The following USP7 variants were observed in gnomAD, a reference collection of about 807,000 sequenced individuals.
USP7 encodes the protein ubiquitin C-terminal hydrolase 7.
A neutral mutation model predicts 162.9 loss-of-function variants in USP7; 9 were observed. The ratio of observed to expected loss-of-function variants is 0.06; its 90% CI spans 0.03 to 0.10. The LOEUF is 0.10. Among genes scored for constraint, USP7 ranks in the 10% least tolerant of loss-of-function variants. The probability of loss-of-function intolerance (pLI) is 1.00; values close to 1 mark genes in which losing one functional copy is unlikely to be tolerated. For missense variants in USP7, 715 were observed against 1,373.7 expected, an observed-to-expected ratio of 0.52 and a Z score of 7.58; for synonymous variants, 562 against 475.9, an observed-to-expected ratio of 1.18 and a Z score of -2.35.
intron 26 of USP7, 22 bp from the exon 27 acceptor site, chr16:8,895,763 A>G (rs184753126): frequency 2.0e-6 from 3 of 1,514,748 alleles, no homozygotes; most frequent in Non-Finnish European, 2.7e-6. Context: ...GGAAAAAAAA[A>G]TAGGGCAAAA....
Position 8,902,125 on chromosome 16 carries a change from C to A in USP7, c.2004G>T (p.Glu668Asp). ...WTIFLETVDP[E>D]LAASGATLPK... ...GTAAGGTCGCTCCACTAGCAGCCAG[C>A]TCGGGATCAACTGTTTCCAGGAATA... The change falls in exon 18 of 31, where the codon GAG becomes GAT. Residue 668 changes from glutamate to aspartate, a missense_variant. Around this residue, in one of 11 missense-constraint regions of USP7, gnomAD observed 197 missense variants for 306.5 expected, o/e 0.64. Transcript: ENST00000344836. 6.2e-7 allele frequency: 1 copy of A among 1,614,234 alleles called. No individual in the cohort carries two copies. Among genetic ancestry groups the A allele is most frequent in the Non-Finnish European group, 8.5e-7 (1 of 1,180,048 alleles).
chr16:8,919,240 A>G, intron 5 of USP7, 101 bp from the exon 6 acceptor site: 1 of 1,152,424 alleles, frequency 8.7e-7, no homozygotes, highest in Admixed American at 1.8e-5. Flanking sequence ...AAGGAAACCG[A>G]GGCCAGGAAC....
rs781103191 is a variant in USP7, at chr16:8,893,979, G to C, written c.*19C>G. ...GCCACCCACACACCGTCCTCGCCTT[G>C]AACACACCAGCTTGGAAATCAGTTA... On this transcript the variant is annotated 3_prime_UTR_variant, in exon 31 of 31. Coordinates refer to ENST00000344836, the MANE Select transcript of USP7 (RefSeq NM_003470.3). 1 of 1,612,186 alleles carries C rather than the reference G, an allele frequency of 6.2e-7. No individual in the cohort carries two copies.
At position 8,931,166 on chromosome 16, in the gene USP7, C is replaced by T. The variant is rs1298574810; in HGVS notation, c.80-769G>A. ...TATACATTAAAACAAATATTTTAAACGTTTTCATCATGAACACATGCATCT... is the reference window on the plus strand; with the variant it reads ...TATACATTAAAACAAATATTTTAAATGTTTTCATCATGAACACATGCATCT... On this transcript the variant is annotated intron_variant, in intron 1 of 30. Coordinates refer to ENST00000344836, the MANE Select transcript of USP7 (RefSeq NM_003470.3). Among the ~76,000 whole-genome samples the T allele has an allele frequency of 5.9e-5, 9 of 151,358 alleles. No homozygotes were observed. In the Middle Eastern group the frequency reaches 0.02, roughly 343 times the overall value.
Position 8,899,596 on chromosome 16 carries a change from T to C in USP7, c.2463+8A>G, listed in dbSNP as rs2061742919. ...GATCTGAAGAGGAAAGGAGCATTTA[T>C]TAAATACCTGAAAATAATTCATTCT... On this transcript the variant is annotated splice_region_variant and intron_variant, in intron 22 of 30. Coordinates refer to ENST00000344836, the MANE Select transcript of USP7 (RefSeq NM_003470.3). 2 of 1,613,288 alleles carry C rather than the reference T, an allele frequency of 1.2e-6. No individual in the cohort carries two copies. The highest frequency in any genetic ancestry group is 4.5e-5 in the East Asian group (2 of 44,872).
intron 1 of USP7, chr16:8,935,872 C>T (rs1365164378): frequency 3.3e-5 from 5 of 152,206 alleles, no homozygotes; most frequent in African/African-American, 1.2e-4. Flanking sequence ...TGTCATAACA[C>T]AGAACTGCTA....
chr16:8,902,551 A>C, intron 16 of USP7, 69 bp from the exon 17 acceptor site: 1 of 1,224,200 alleles, frequency 8.2e-7, no homozygotes, highest in Non-Finnish European at 1.2e-6. Context: ...TATTACACAC[A>C]CATATGTATA....
chr16:8,930,068 A>G (rs544611057), intron 2 of USP7, among the ~76,000 whole-genome samples: 5 of 152,304 alleles, frequency 3.3e-5, no homozygotes, highest in African/African-American at 1.2e-4. Flanking sequence ...TTAAACCTAC[A>G]TTACACCTCC....
Position 8,923,488 on chromosome 16 carries a change from A to C in USP7, c.185-75T>G, listed in dbSNP as rs550729609. 52 of 1,493,394 alleles carry C rather than the reference A, an allele frequency of 3.5e-5. 1 individual carries two copies. In the South Asian group the frequency reaches 5.9e-4, roughly 17 times the overall value. The allele number at this position is 1,493,394 out of a possible 1,614,324, so 92.5% of individuals were successfully genotyped here. A position where few individuals can be genotyped will look rare whatever the true frequency, so the allele number is the denominator to read the frequency against. On this transcript the variant is annotated intron_variant, in intron 2 of 30. Coordinates refer to ENST00000344836, the MANE Select transcript of USP7 (RefSeq NM_003470.3). ...GCACTAGCATTAATCGACATGGAGT[A>C]AACTGTTCTATACATCCTGATTTAA...
chr16:8,904,250 T>C (rs1430056139), intron 15 of USP7, among the ~76,000 whole-genome samples, 185 bp downstream of exon 15: 1 of 152,218 alleles, frequency 6.6e-6, no homozygotes, highest in Non-Finnish European at 1.5e-5. Flanking sequence ...GCAGCTGCCC[T>C]GCTGTGCAGT....
Position 8,901,064 on chromosome 16 carries a change from G to A in USP7, c.2141-7C>T. The A allele has an allele frequency of 6.2e-7, 1 of 1,614,108 alleles. No individual in the cohort carries two copies. The highest frequency in any genetic ancestry group is 1.1e-5 in the South Asian group (1 of 91,084). ...ATAACTGGGAGCAAGTCACCTAGGAGAAAGAAGATATTTTAAATGTGTAGC... is the reference window on the plus strand; with the variant it reads ...ATAACTGGGAGCAAGTCACCTAGGAAAAAGAAGATATTTTAAATGTGTAGC... On this transcript the variant is annotated splice_region_variant and splice_polypyrimidine_tract_variant and intron_variant, in intron 19 of 30. Coordinates refer to ENST00000344836, the MANE Select transcript of USP7 (RefSeq NM_003470.3).
In USP7 at chr16:8,902,621, G is replaced by C. The variant is rs1489023602; in HGVS notation, c.1840-139C>G. The C allele has an allele frequency of 4.0e-6, 3 of 752,510 alleles. No homozygotes were observed. In the Admixed American group the frequency reaches 9.6e-5, roughly 24 times the overall value. The allele number at this position is 752,510 out of a possible 1,614,324, so 46.6% of individuals were successfully genotyped here. ...ACTGTGATCGTAGGCCAGGTGCTGT[G>C]GCTCTCGCCTGTAATCCCAGCACTT... On this transcript the variant is annotated intron_variant, in intron 16 of 30. Coordinates refer to ENST00000344836, the MANE Select transcript of USP7 (RefSeq NM_003470.3).
chr16:8,916,908 T>TC lies in USP7; in HGVS notation c.851+117dup, dbSNP rs1361119939. The stretch of plus-strand genomic sequence containing the variant: ...ACTGACACGATTAAATGCTCAAGCC[T>TC]CCCTAAATTAAGTGCCTACAGTATG... On this transcript the variant is annotated intron_variant, in intron 7 of 30. Transcript: ENST00000344836. The TC allele has an allele frequency of 3.4e-6, 4 of 1,170,650 alleles. No individual in the cohort carries two copies. In the African/African-American group the frequency reaches 4.9e-5, roughly 14 times the overall value. The allele number at this position is 1,170,650 out of a possible 1,614,324, so 72.5% of individuals were successfully genotyped here.
intron 1 of USP7, among the ~76,000 whole-genome samples, chr16:8,944,582 CCTTT>C (rs1219770841): frequency 1.3e-5 from 2 of 152,174 alleles, no homozygotes; most frequent in Admixed American, 1.3e-4. Context: ...CAAACAGGTT[CCTTT>C]ATTTGAATAA....
chr16:8,895,833 C>T (rs1229577202), intron 26 of USP7, 92 bp from the exon 27 acceptor site: 9 of 861,378 alleles, frequency 1.0e-5, no homozygotes, highest in African/African-American at 2.0e-5. Context: ...AAAGTTACCA[C>T]GATATGTTTT....
intron 8 of USP7, 37 bp from the exon 9 acceptor site, chr16:8,915,562 T>A (rs750697886): frequency 7.2e-5 from 113 of 1,570,864 alleles, no homozygotes; most frequent in Admixed American, 1.7e-4. Flanking sequence ...AAAACTTTTT[T>A]GTACTTAGTA....
chr16:8,927,979 TACAA>T (rs1323002531), intron 2 of USP7, among the ~76,000 whole-genome samples: 9 of 152,232 alleles, frequency 5.9e-5, no homozygotes, highest in Non-Finnish European at 1.0e-4. Context: ...ATCCCATCAC[TACAA>T]ACAATTAGCC....
At chr16:8,961,492 CAA>C (rs1222287661) in intron 1 of USP7, among the ~76,000 whole-genome samples, 8 of 48,524 alleles carry the variant, frequency 1.6e-4, no homozygotes, top group African/African-American at 4.6e-4. Flanking sequence ...AAATCCGTCT[CAA>C]AAAAAAAAAA....
At chr16:8,928,067 C>T (rs1898110956) in intron 2 of USP7, among the ~76,000 whole-genome samples, 1 of 152,210 alleles carries the variant, frequency 6.6e-6, no homozygotes, top group South Asian at 2.1e-4. Flanking sequence ...TGAGTAGATA[C>T]AGTAAAAGAT....
Sources: gnomAD v4.1 joint callset for allele counts (sites outside exome capture counted in the v4.1 genomes callset) on GRCh38, gnomAD v4.1.1 for gene constraint, gnomAD v4.1.1 regional missense constraint, MANE v1.5 for transcripts, NCBI Gene and HGNC (gene_info 2026-07-23, HGNC 2026-07-21) for gene names.